Variants in ARHGAP15 observed in about 807,000 individuals in gnomAD.
ARHGAP15 encodes Rho GTPase activating protein 15.
In ARHGAP15, 51 loss-of-function variants were observed where a neutral mutation model predicts 63.7. The ratio of observed to expected loss-of-function variants is 0.80; its 90% CI spans 0.64 to 1.01. ARHGAP15 has a LOEUF of 1.01. ARHGAP15 is among the 50% of genes least tolerant of loss of function. The pLI, the probability that ARHGAP15 is intolerant of heterozygous loss-of-function variation, is 0.00. For missense variants in ARHGAP15, 560 were observed against 564.6 expected (o/e 0.99, Z 0.08); for synonymous variants, 191 against 193.8 (o/e 0.99, Z 0.12).
chr2:143,333,137 C>A (rs796480396), intron 6 of ARHGAP15, among the ~76,000 whole-genome samples: 3 of 152,060 alleles, frequency 2.0e-5, no homozygotes, highest in African/African-American at 7.2e-5. Flanking sequence ...TTGGGCAATC[C>A]TTTGTGAATA....
intron 6 of ARHGAP15, among the ~76,000 whole-genome samples, chr2:143,411,425 TCAAAA>T (rs113394370): frequency 0.031 from 4,703 of 149,936 alleles, 249 homozygotes; most frequent in African/African-American, 0.11. Context: ...TACTTTTCTA[TCAAAA>T]CAAACAAAGT....
chr2:143,484,321 G>A (rs564513907), intron 8 of ARHGAP15, among the ~76,000 whole-genome samples: 5 of 145,270 alleles, frequency 3.4e-5, no homozygotes, highest in South Asian at 2.2e-4. Flanking sequence ...AGCCGAGATC[G>A]CACCACTGCA....
intron 11 of ARHGAP15, among the ~76,000 whole-genome samples, chr2:143,592,667 A>C (rs144654424): frequency 3.9e-5 from 6 of 152,338 alleles, no homozygotes; most frequent in African/African-American, 1.4e-4. Flanking sequence ...TAGAGCAGCT[A>C]TGCCAAGAAG....
intron 12 of ARHGAP15, among the ~76,000 whole-genome samples, chr2:143,702,218 AAAT>A (rs1212777779): frequency 2.0e-5 from 3 of 152,202 alleles, no homozygotes; most frequent in African/African-American, 7.2e-5. Context: ...TAAGTTCAAT[AAAT>A]AATTATACCT....
intron 10 of ARHGAP15, among the ~76,000 whole-genome samples, chr2:143,542,163 G>A (rs1266030791): frequency 4.6e-5 from 7 of 152,208 alleles, no homozygotes; most frequent in Non-Finnish European, 1.0e-4. Flanking sequence ...CGTGGGCGTA[G>A]GACCCTCCGA....
intron 13 of ARHGAP15, among the ~76,000 whole-genome samples, chr2:143,706,198 G>A (rs564711560): frequency 3.3e-5 from 5 of 152,194 alleles, no homozygotes; most frequent in Admixed American, 2.0e-4. Flanking sequence ...TTTTTGCTAA[G>A]TTTTTGATAA....
intron 12 of ARHGAP15, among the ~76,000 whole-genome samples, chr2:143,689,165 G>A (rs367680349): frequency 2.6e-5 from 4 of 151,934 alleles, no homozygotes; most frequent in Admixed American, 6.6e-5. Flanking sequence ...TTTGTCATCC[G>A]TATCACAAAC....
At chr2:143,402,887 T>C (rs1371504437) in intron 6 of ARHGAP15, among the ~76,000 whole-genome samples, 1 of 151,882 alleles carries the variant, frequency 6.6e-6, no homozygotes, top group Admixed American at 6.6e-5. Context: ...CTGTTAGCTG[T>C]CTACCTGGCT....
chr2:143,267,238 T>A (rs1681044360), intron 6 of ARHGAP15, among the ~76,000 whole-genome samples: 1 of 152,172 alleles, frequency 6.6e-6, no homozygotes, highest in East Asian at 1.9e-4. Context: ...CCATAGTTGT[T>A]GTTGCTGTTG....
chr2:143,703,083 T>G (rs1448406456), intron 12 of ARHGAP15, among the ~76,000 whole-genome samples: 3 of 152,206 alleles, frequency 2.0e-5, no homozygotes, highest in Non-Finnish European at 2.9e-5. Context: ...GAAGATAATG[T>G]CAAAGTCACA....
At chr2:143,264,392 G>A (rs1029474572) in intron 6 of ARHGAP15, among the ~76,000 whole-genome samples, 5 of 152,080 alleles carry the variant, frequency 3.3e-5, no homozygotes, top group Admixed American at 6.6e-5. Flanking sequence ...TTGTGAGGCT[G>A]TTAGTATAAC....
intron 11 of ARHGAP15, among the ~76,000 whole-genome samples, chr2:143,571,216 G>A (rs1696441349): frequency 6.6e-6 from 1 of 152,152 alleles, no homozygotes; most frequent in Non-Finnish European, 1.5e-5. Context: ...ACATTATGGT[G>A]AGCATGTAAC....
chr2:143,287,560 C>G (rs1322907595), intron 6 of ARHGAP15, among the ~76,000 whole-genome samples: 1 of 152,050 alleles, frequency 6.6e-6, no homozygotes, highest in African/African-American at 2.4e-5. Flanking sequence ...AATCCCAGCA[C>G]TTTGGGAGGC....
intron 13 of ARHGAP15, among the ~76,000 whole-genome samples, chr2:143,718,574 C>T (rs1164056900): frequency 6.6e-6 from 1 of 152,152 alleles, no homozygotes; most frequent in Non-Finnish European, 1.5e-5. Flanking sequence ...TATAGAGGTT[C>T]CTGTATCTTA....
chr2:143,388,915 G>A (rs1687417033), intron 6 of ARHGAP15, among the ~76,000 whole-genome samples: 1 of 151,736 alleles, frequency 6.6e-6, no homozygotes, highest in Non-Finnish European at 1.5e-5. Flanking sequence ...CAAGTCTCCA[G>A]TTCATATTAC....
intron 9 of ARHGAP15, among the ~76,000 whole-genome samples, chr2:143,518,570 T>C (rs989804458): frequency 2.0e-5 from 3 of 152,246 alleles, no homozygotes; most frequent in African/African-American, 7.2e-5. Context: ...CAGAACCTAA[T>C]GATGTGAAAC....
At chr2:143,386,423 C>T (rs563716899) in intron 6 of ARHGAP15, among the ~76,000 whole-genome samples, 38 of 152,082 alleles carry the variant, frequency 2.5e-4, no homozygotes, top group African/African-American at 7.7e-4. Context: ...GGGGAAAAAA[C>T]GAGAAAGCAC....
intron 10 of ARHGAP15, among the ~76,000 whole-genome samples, chr2:143,552,921 T>C (rs1482564893): frequency 6.6e-6 from 1 of 152,180 alleles, no homozygotes; most frequent in Non-Finnish European, 1.5e-5. Context: ...TTGAAGACGT[T>C]GGTCATTTAA....
intron 6 of ARHGAP15, among the ~76,000 whole-genome samples, chr2:143,429,950 C>T (rs1228932840): frequency 2.6e-5 from 4 of 152,092 alleles, no homozygotes; most frequent in Non-Finnish European, 5.9e-5. Flanking sequence ...ACCCTCCATG[C>T]ATATTAGCTT....
Sources: allele counts gnomAD v4.1 joint callset (sites outside exome capture counted in the v4.1 genomes callset), GRCh38; gene constraint gnomAD v4.1.1; transcripts MANE v1.5; gene names NCBI Gene and HGNC (gene_info 2026-07-23, HGNC 2026-07-21).